The following AIG1 variants were observed in gnomAD, a reference collection of about 807,000 sequenced individuals.
The protein encoded by AIG1 is androgen-induced gene 1 protein.
Under a neutral mutation model 31.4 loss-of-function variants are expected in AIG1, and 23 were observed. The ratio of observed to expected loss-of-function variants is 0.73; its 90% CI spans 0.53 to 1.04. The LOEUF (loss-of-function observed/expected upper bound fraction) is 1.04. Ranked by LOEUF, AIG1 falls within the 50% of genes least tolerant of loss-of-function variation. The pLI, the probability that AIG1 is intolerant of heterozygous loss-of-function variation, is 0.00. For missense variants in AIG1, 274 were observed against 295.0 expected (o/e 0.93, Z 0.52); for synonymous variants, 100 against 110.5 (o/e 0.90, Z 0.60).
intron 1 of AIG1, among the ~76,000 whole-genome samples, chr6:143,119,298 T>C (rs1272156259): frequency 1.3e-5 from 2 of 152,214 alleles, no homozygotes; most frequent in Non-Finnish European, 2.9e-5. Flanking sequence ...TGCATCTCTT[T>C]AGAGATTTTT....
At chr6:143,300,558 C>A (rs572220568) in intron 4 of AIG1, among the ~76,000 whole-genome samples, 12 of 152,168 alleles carry the variant, frequency 7.9e-5, no homozygotes, top group African/African-American at 2.9e-4. Flanking sequence ...AGTCCCTTTT[C>A]AAAAGAAAAA....
chr6:143,333,768 A>G lies in AIG1; in HGVS notation c.679+323A>G, dbSNP rs1050391853. On this transcript the variant is annotated intron_variant, in intron 5 of 5. Coordinates refer to ENST00000357847, the MANE Select transcript of AIG1 (RefSeq NM_016108.4). This position sits in a 1 kb window ranked among gnomAD's most constrained non-coding sequence, Gnocchi z 4.6. ...GAAATTTGTCCTCATTAACAACACA[A>G]TGCTGCCTTAGTTAGCTAAAGGGAC... Among the ~76,000 whole-genome samples the G allele has an allele frequency of 7.9e-5, 12 of 152,298 alleles. No individual in the cohort carries two copies. The highest frequency in any genetic ancestry group is 4.1e-4 in the South Asian group (2 of 4,820).
chr6:143,183,161 G>C (rs1788890426), intron 3 of AIG1, among the ~76,000 whole-genome samples: 1 of 148,068 alleles, frequency 6.8e-6, no homozygotes, highest in South Asian at 2.1e-4. Flanking sequence ...CTGGGTATTA[G>C]TTATTCTCTC....
chr6:143,265,061 T>C (rs1252513205), intron 3 of AIG1, among the ~76,000 whole-genome samples: 1 of 152,248 alleles, frequency 6.6e-6, no homozygotes, highest in Non-Finnish European at 1.5e-5. Flanking sequence ...ATCATCTAGT[T>C]TGTGTTGAGA....
At chr6:143,080,590 G>T (rs893500539) in intron 1 of AIG1, among the ~76,000 whole-genome samples, 20 of 151,916 alleles carry the variant, frequency 1.3e-4, no homozygotes, top group African/African-American at 4.8e-4. Context: ...CATACAGGGG[G>T]TGCAGTGAGA....
intron 1 of AIG1, among the ~76,000 whole-genome samples, chr6:143,072,159 G>C (rs778627726): frequency 3.4e-4 from 52 of 151,970 alleles, no homozygotes; most frequent in Non-Finnish European, 1.2e-4. Flanking sequence ...GTGCTTACTT[G>C]CCATCTGTAT....
chr6:143,251,201 C>T (rs944456427), intron 3 of AIG1, among the ~76,000 whole-genome samples: 8 of 151,894 alleles, frequency 5.3e-5, no homozygotes, highest in African/African-American at 9.7e-5. Context: ...TACAGGCGTG[C>T]GCCACCACGC....
At position 143,085,875 on chromosome 6, in the gene AIG1, A is replaced by T. The variant is rs185674445; in HGVS notation, c.141+24809A>T. On this transcript the variant is annotated intron_variant, in intron 1 of 5. Transcript: ENST00000357847. The stretch of plus-strand genomic sequence containing the variant: ...CTCCTAGGTCTGGTCGGACCTTTGT[A>T]TGGTAATTAAGATTTAAATCCCCTG... Among the ~76,000 whole-genome samples, 42 of 152,286 alleles carry T rather than the reference A, an allele frequency of 2.8e-4. 1 individual carries two copies. Among genetic ancestry groups the T allele is most frequent in the African/African-American group, 9.6e-4 (40 of 41,546 alleles).
At chr6:143,310,495 A>G (rs1047721281) in intron 4 of AIG1, among the ~76,000 whole-genome samples, 2 of 151,854 alleles carry the variant, frequency 1.3e-5, no homozygotes. Context: ...CAAGGAAAGT[A>G]GTGCTTAGAG....
intron 3 of AIG1, among the ~76,000 whole-genome samples, chr6:143,225,264 C>A (rs1242547657): frequency 6.6e-6 from 1 of 152,122 alleles, no homozygotes; most frequent in African/African-American, 2.4e-5. Context: ...ATGTTTTATT[C>A]ATATCCCTCT....
At chr6:143,085,402 G>A (rs1283579112) in intron 1 of AIG1, among the ~76,000 whole-genome samples, 1 of 152,180 alleles carries the variant, frequency 6.6e-6, no homozygotes, top group Non-Finnish European at 1.5e-5. Flanking sequence ...CGATGTAGCA[G>A]TCCTGCACCC....
At chr6:143,132,261 G>A (rs1217719956) in intron 1 of AIG1, among the ~76,000 whole-genome samples, 4 of 152,016 alleles carry the variant, frequency 2.6e-5, no homozygotes, top group South Asian at 2.1e-4. Flanking sequence ...ATTTCCATAT[G>A]TGATATCATT....
chr6:143,248,637 G>C (rs192637048), intron 3 of AIG1, among the ~76,000 whole-genome samples: 1 of 152,278 alleles, frequency 6.6e-6, no homozygotes, highest in Non-Finnish European at 1.5e-5. Context: ...GATGTAAAAG[G>C]CCAGCTCATC....
At chr6:143,105,030 G>A (rs896549170) in intron 1 of AIG1, among the ~76,000 whole-genome samples, 2 of 152,196 alleles carry the variant, frequency 1.3e-5, no homozygotes, top group Non-Finnish European at 2.9e-5. Flanking sequence ...TTAAGCTCAG[G>A]TAAGGTAAGA....
intron 2 of AIG1, among the ~76,000 whole-genome samples, chr6:143,159,861 A>G (rs1387977840): frequency 2.0e-5 from 3 of 152,202 alleles, no homozygotes; most frequent in East Asian, 1.9e-4. Flanking sequence ...TCACACCCAT[A>G]CTTTCTCTGT....
chr6:143,237,405 A>G (rs1793888733), intron 3 of AIG1, among the ~76,000 whole-genome samples: 1 of 152,238 alleles, frequency 6.6e-6, no homozygotes, highest in East Asian at 1.9e-4. Flanking sequence ...TTCATTTAAT[A>G]AACCTTTATA....
chr6:143,214,677 C>T (rs1243337514), intron 3 of AIG1, among the ~76,000 whole-genome samples: 2 of 152,162 alleles, frequency 1.3e-5, no homozygotes, highest in African/African-American at 4.8e-5. Context: ...AGTGCCTACT[C>T]ATCACTGTCT....
intron 3 of AIG1, among the ~76,000 whole-genome samples, chr6:143,230,648 A>G (rs1263080584): frequency 6.6e-6 from 1 of 151,440 alleles, no homozygotes. Context: ...ATATTTTTGC[A>G]TTTTAATAAT....
At chr6:143,335,072 A>C in intron 5 of AIG1, 1 of 1,460,696 alleles carries the variant, frequency 6.8e-7, no homozygotes, top group Non-Finnish European at 9.1e-7. Flanking sequence ...AAGTTTATGT[A>C]CCTAGGACCA....
Sources: gnomAD v4.1 joint callset for allele counts (sites outside exome capture counted in the v4.1 genomes callset) on GRCh38, gnomAD v4.1.1 for gene constraint, Gnocchi (gnomAD v3.1) non-coding constraint, MANE v1.5 for transcripts, NCBI Gene and HGNC (gene_info 2026-07-23, HGNC 2026-07-21) for gene names.